The following MBNL1 variants were observed in gnomAD, a reference collection of about 807,000 sequenced individuals.
MBNL1 encodes muscleblind like splicing regulator 1.
MBNL1 carries 8 observed loss-of-function variants against 42.2 expected under a neutral mutation model. That is an observed-to-expected ratio of 0.19 (90% confidence interval 0.11 to 0.34). The LOEUF (loss-of-function observed/expected upper bound fraction) is 0.34. MBNL1 is among the 10% of genes least tolerant of loss of function. The pLI, the probability that MBNL1 is intolerant of heterozygous loss-of-function variation, is 1.00. For missense variants in MBNL1, 309 were observed against 495.3 expected, an observed-to-expected ratio of 0.62 and a Z score of 3.57; for synonymous variants, 169 against 173.9, an observed-to-expected ratio of 0.97 and a Z score of 0.22.
intron 2 of MBNL1, among the ~76,000 whole-genome samples, chr3:152,320,410 G>A (rs1438079654): frequency 6.6e-6 from 1 of 152,104 alleles, no homozygotes; most frequent in East Asian, 1.9e-4. Context: ...CTCATGCCAT[G>A]TTTTGTATGT....
At chr3:152,263,114 C>T (rs1240416967), upstream of MBNL1, 3 of 152,170 alleles carry the variant, frequency 2.0e-5, no homozygotes, top group African/African-American at 7.2e-5. Flanking sequence ...AACTCTCCAG[C>T]TTCCATTACC....
At chr3:152,354,910 C>A (rs1274737541) in intron 2 of MBNL1, among the ~76,000 whole-genome samples, 1 of 152,136 alleles carries the variant, frequency 6.6e-6, no homozygotes, top group Non-Finnish European at 1.5e-5. Context: ...TCGTGTAAAT[C>A]TTTCGCCTTT....
intron 2 of MBNL1, among the ~76,000 whole-genome samples, chr3:152,331,540 A>T (rs529542651): frequency 4.6e-5 from 7 of 151,416 alleles, no homozygotes; most frequent in Non-Finnish European, 7.4e-5. Context: ...ACTTATTTTG[A>T]CCTAAGTATG....
At chr3:152,456,199 A>G (rs949089313) in intron 7 of MBNL1, 68 bp from the exon 8 acceptor site, 2 of 1,058,250 alleles carry the variant, frequency 1.9e-6, no homozygotes, top group African/African-American at 1.6e-5. Flanking sequence ...TATCTCTTCC[A>G]TGTTGCCATG....
At chr3:152,415,755 T>A (rs2098689795) in intron 3 of MBNL1, among the ~76,000 whole-genome samples, 1 of 152,334 alleles carries the variant, frequency 6.6e-6, no homozygotes, top group South Asian at 2.1e-4. Context: ...AGATATTTAG[T>A]ATTTGCTGAG....
chr3:152,351,075 C>G (rs909936264), intron 2 of MBNL1, among the ~76,000 whole-genome samples: 2 of 150,808 alleles, frequency 1.3e-5, no homozygotes, highest in African/African-American at 4.8e-5. Flanking sequence ...TATTATGTAT[C>G]AGACTTTTTT....
chr3:152,363,395 A>G (rs1339657620), intron 2 of MBNL1, among the ~76,000 whole-genome samples: 1 of 152,166 alleles, frequency 6.6e-6, no homozygotes, highest in African/African-American at 2.4e-5. Context: ...AGGCCTTAGC[A>G]GGGACTATGT....
chr3:152,440,806 G>A (rs945989068), intron 4 of MBNL1, among the ~76,000 whole-genome samples: 3 of 152,134 alleles, frequency 2.0e-5, no homozygotes, highest in African/African-American at 4.8e-5. Context: ...CATGATCAGC[G>A]ATGCTGTGGA....
At chr3:152,366,531 AGCTATAAT>A (rs1185362941) in intron 2 of MBNL1, among the ~76,000 whole-genome samples, 1 of 152,204 alleles carries the variant, frequency 6.6e-6, no homozygotes, top group Non-Finnish European at 1.5e-5. Flanking sequence ...AACCGAATTA[AGCTATAAT>A]GCTTCACTTA....
intron 2 of MBNL1, among the ~76,000 whole-genome samples, chr3:152,406,468 A>G (rs1295412163): frequency 6.6e-6 from 1 of 152,042 alleles, no homozygotes; most frequent in African/African-American, 2.4e-5. Flanking sequence ...AAAAAGTGGT[A>G]TTTTTTGTCA....
chr3:152,456,453 A>T (rs774845605), intron 8 of MBNL1, 92 bp downstream of exon 8: 5 of 1,043,252 alleles, frequency 4.8e-6, no homozygotes, highest in Non-Finnish European at 7.5e-6. Flanking sequence ...CATTGAGGTC[A>T]GTGGGAATCG....
At chr3:152,359,272 A>G (rs115200121) in intron 2 of MBNL1, among the ~76,000 whole-genome samples, 1,739 of 152,338 alleles carry the variant, frequency 0.011, 14 homozygotes, top group Non-Finnish European at 0.019. Context: ...TTATCAACAG[A>G]TTGCCAAACT....
chr3:152,353,615 C>G (rs928158430), intron 2 of MBNL1, among the ~76,000 whole-genome samples: 2 of 151,496 alleles, frequency 1.3e-5, no homozygotes, highest in African/African-American at 4.9e-5. Context: ...AATTATCAAG[C>G]CCTTGTCATA....
chr3:152,322,704 T>C (rs1041102432), intron 2 of MBNL1, among the ~76,000 whole-genome samples: 1 of 152,182 alleles, frequency 6.6e-6, no homozygotes, highest in East Asian at 1.9e-4. Context: ...CCTGCAGCAG[T>C]GGACTGAAAA....
At chr3:152,362,656 A>G (rs2096063990) in intron 2 of MBNL1, among the ~76,000 whole-genome samples, 1 of 152,130 alleles carries the variant, frequency 6.6e-6, no homozygotes, top group Non-Finnish European at 1.5e-5. Flanking sequence ...ACCTGCTAGT[A>G]ACAGTTTTCC....
chr3:152,281,881 A>G (rs2150382196), intron 1 of MBNL1, among the ~76,000 whole-genome samples: 1 of 152,278 alleles, frequency 6.6e-6, no homozygotes, highest in African/African-American at 2.4e-5. Context: ...ATAGCTCTAC[A>G]TTCACTTGGA....
At chr3:152,342,695 T>C (rs73869992) in intron 2 of MBNL1, among the ~76,000 whole-genome samples, 2,493 of 152,168 alleles carry the variant, frequency 0.016, 70 homozygotes, top group African/African-American at 0.057. Context: ...AAGGATGTCA[T>C]GTATGTGCTG....
At position 152,299,886 on chromosome 3, in the gene MBNL1, C is replaced by T. The variant is rs1306935122; in HGVS notation, c.-308C>T. 2.5e-6 allele frequency: 1 copy of T among 407,622 alleles called. No homozygotes were observed. The allele number at this position is 407,622 out of a possible 1,614,324, so 25.3% of individuals were successfully genotyped here. Reference sequence around the variant, plus strand: ...CCAAATTGGCACTGGGAAGGGGTTACTGAGAGCACAAGGCTGATACCAGGC... The same window carrying T: ...CCAAATTGGCACTGGGAAGGGGTTATTGAGAGCACAAGGCTGATACCAGGC... On this transcript the variant is annotated 5_prime_UTR_variant, in exon 2 of 10. Transcript: ENST00000324210.
chr3:152,436,733 T>C (rs1253020841), intron 4 of MBNL1, among the ~76,000 whole-genome samples: 1 of 152,246 alleles, frequency 6.6e-6, no homozygotes, highest in Non-Finnish European at 1.5e-5. Flanking sequence ...TAGTGCTTAA[T>C]TGAAATGAAG....
Sources: allele counts gnomAD v4.1 joint callset (sites outside exome capture counted in the v4.1 genomes callset), GRCh38; gene constraint gnomAD v4.1.1; transcripts MANE v1.5; gene names NCBI Gene and HGNC (gene_info 2026-07-23, HGNC 2026-07-21).